MIDEAS: variants seen among roughly 807,000 people sequenced by gnomAD.
The protein encoded by MIDEAS is mitotic deacetylase-associated SANT domain protein.
Under a neutral mutation model 102.7 loss-of-function variants are expected in MIDEAS, and 26 were observed. The ratio of observed to expected loss-of-function variants is 0.25; its 90% CI spans 0.19 to 0.35. The LOEUF is 0.35. Among genes scored for constraint, MIDEAS ranks in the 10% least tolerant of loss-of-function variants. MIDEAS has a pLI of 1.00. For missense variants in MIDEAS, 1,231 were observed against 1,435.6 expected (o/e 0.86, Z 2.30); for synonymous variants, 585 against 591.0 (o/e 0.99, Z 0.15).
upstream of MIDEAS, among the ~76,000 whole-genome samples, chr14:73,763,050 A>G (rs1297008893): frequency 1.3e-5 from 2 of 152,138 alleles, no homozygotes; most frequent in African/African-American, 2.4e-5. Context: ...TCTTCCAAGG[A>G]TGAGGCCAGG....
rs570480181 is a variant in MIDEAS, at chr14:73,725,178, C to T, written c.2574+94G>A. ...CTACTCAGTAGCATTGACCTGACTG[C>T]TTTTTAAGAGGGATTGGTCACTGGC... On this transcript the variant is annotated intron_variant, in intron 9 of 12. Transcript: ENST00000423556. The surrounding 1 kb of genome is among the most constrained non-coding windows in gnomAD (Gnocchi z 4.1). 3.2e-4 allele frequency: 309 copies of T among 950,794 alleles called. 1 individual carries two copies. Among genetic ancestry groups the T allele is most frequent in the Admixed American group, 6.4e-4 (37 of 58,028 alleles). 58.9% of individuals were successfully genotyped at this position (950,794 alleles called of 1,614,324 possible).
chr14:73,776,002 C>T (rs767482303), intron 1 of MIDEAS, among the ~76,000 whole-genome samples: 1 of 151,948 alleles, frequency 6.6e-6, no homozygotes, highest in African/African-American at 2.4e-5. Flanking sequence ...AGACACCAGG[C>T]GCCTCAACTG....
Position 73,739,422 on chromosome 14 carries a change from G to A in MIDEAS, c.587C>T (p.Ala196Val), listed in dbSNP as rs2053252916. 1 of 1,582,568 alleles carries A rather than the reference G, an allele frequency of 6.3e-7. No individual in the cohort carries two copies. Among genetic ancestry groups the A allele is most frequent in the Non-Finnish European group, 8.6e-7 (1 of 1,163,010 alleles). The change falls in exon 2 of 13, where the codon GCA (alanine) becomes GTA (valine). Residue 196 changes from alanine to valine, a missense_variant. By Grantham distance (64) the Ala-to-Val change is moderately conservative. Around this residue, in one of 5 missense-constraint regions of MIDEAS, gnomAD observed 758 missense variants for 856.0 expected, o/e 0.89. Coordinates refer to ENST00000423556, the MANE Select transcript of MIDEAS (RefSeq NM_001367710.1). ...GGCTGCGTGGAAAGAATTCAGGGGT[G>A]CCTGGGGCCGCCCTACCTCCAGCTG... is the stretch of plus-strand genomic sequence containing the variant. ...KVQLEVGRPQ[A>V]PLNSFHAAKK...
At position 73,759,574 on chromosome 14, in the gene MIDEAS, C is replaced by G. The variant is rs1287300048; in HGVS notation, c.-248+189G>C. On this transcript the variant is annotated intron_variant, in intron 1 of 12. Transcript: ENST00000423556. The surrounding 1 kb of genome is among the most constrained non-coding windows in gnomAD (Gnocchi z 6.7). ...TGCAGGCGGCCCCCGCACGGCCACA[C>G]GCGCCCGCTCCACCGCCGCCCAGGC... Among the ~76,000 whole-genome samples the G allele has an allele frequency of 6.7e-6, 1 of 148,760 alleles. No individual in the cohort carries two copies. Among genetic ancestry groups the G allele is most frequent in the Non-Finnish European group, 1.5e-5 (1 of 66,678 alleles).
chr14:73,748,858 C>T (rs576226829), intron 1 of MIDEAS, among the ~76,000 whole-genome samples: 40 of 152,090 alleles, frequency 2.6e-4, no homozygotes, highest in African/African-American at 9.4e-4. Context: ...AACAAAGTGT[C>T]CGTCCCTCAG....
Position 73,766,310 on chromosome 14 carries a change from T to G in MIDEAS, c.-248+20792A>C, listed in dbSNP as rs183501945. Among the ~76,000 whole-genome samples, 132 of 152,362 alleles carry G rather than the reference T, an allele frequency of 8.7e-4. 2 individuals carry two copies. Among genetic ancestry groups the G allele is most frequent in the Middle Eastern group, 6.8e-3 (2 of 294 alleles). On this transcript the variant is annotated intron_variant, in intron 1 of 11. Transcript: ENST00000394071. ...CTTAGTATCCCTGGTAGCTATACAG[T>G]GCCTGCACATGGTGGGTGCTCAGTG...
chr14:73,751,418 G>A (rs986418229), intron 1 of MIDEAS, among the ~76,000 whole-genome samples: 7 of 152,214 alleles, frequency 4.6e-5, no homozygotes, highest in Admixed American at 1.3e-4. Context: ...GATGTTCTGA[G>A]ATGTGGCTGG....
At chr14:73,760,543 G>A (rs11624967), upstream of MIDEAS, among the ~76,000 whole-genome samples, 58,869 of 152,110 alleles carry the variant, frequency 0.39, 11,829 homozygotes, top group Non-Finnish European at 0.45. This position sits in a 1 kb window ranked among gnomAD's most constrained non-coding sequence, Gnocchi z 4.8. Flanking sequence ...AGGAGGAGAC[G>A]GTGACGAAAT....
At position 73,719,024 on chromosome 14, in the gene MIDEAS, G is replaced by A. The variant is rs1345798446; in HGVS notation, c.3135-16C>T. The stretch of plus-strand genomic sequence containing the variant: ...GTAAAACACCCTGCAGCCGGGTGGG[G>A]GTTGCTCAGAACCGGCCTAGCCCAC... On this transcript the variant is annotated splice_polypyrimidine_tract_variant and intron_variant, in intron 12 of 12. Transcript: ENST00000423556. 1 of 1,466,814 alleles carries A rather than the reference G, an allele frequency of 6.8e-7. No homozygotes were observed. The highest frequency in any genetic ancestry group is 2.5e-5 in the East Asian group (1 of 40,394). The allele number at this position is 1,466,814 out of a possible 1,614,324, so 90.9% of individuals were successfully genotyped here.
At chr14:73,731,886 C>A (rs1446904993) in intron 3 of MIDEAS, among the ~76,000 whole-genome samples, 1 of 152,138 alleles carries the variant, frequency 6.6e-6, no homozygotes, top group Non-Finnish European at 1.5e-5. Flanking sequence ...ATCTGTAGTA[C>A]AAAGAATAAT....
intron 1 of MIDEAS, among the ~76,000 whole-genome samples, chr14:73,782,174 G>A (rs1566613011): frequency 6.6e-6 from 1 of 152,188 alleles, no homozygotes; most frequent in Non-Finnish European, 1.5e-5. Context: ...GCAAGGTTGT[G>A]ATTAACAGCA....
Position 73,738,796 on chromosome 14 carries a change from T to G in MIDEAS, c.1213A>C (p.Arg405=). Reference sequence around the variant, plus strand: ...CCATCAGGCAGTAGCTGCGACTCCCTCAGCTCCAGCGGGAATCCCAGAGCT... The same window carrying G: ...CCATCAGGCAGTAGCTGCGACTCCCGCAGCTCCAGCGGGAATCCCAGAGCT... ...PEALGFPLEL[R]ESQLLPDGER... is the part of the protein sequence containing the mutation. Residue 405 remains arginine, a synonymous_variant, in exon 2 of 13, where the codon AGG becomes CGG. Transcript: ENST00000423556. 1 of 1,578,090 alleles carries G rather than the reference T, an allele frequency of 6.3e-7. No individual in the cohort carries two copies. Among genetic ancestry groups the G allele is most frequent in the South Asian group, 1.2e-5 (1 of 86,556 alleles).
chr14:73,745,393 G>T (rs1003386239), intron 1 of MIDEAS, among the ~76,000 whole-genome samples: 3 of 152,132 alleles, frequency 2.0e-5, no homozygotes, highest in Non-Finnish European at 4.4e-5. Flanking sequence ...CCTAGACAGT[G>T]GCCAGGGACA....
rs1174420284 is a variant in MIDEAS, at chr14:73,739,097, G to C, written c.912C>G (p.His304Gln). Residue 304 changes from histidine to glutamine, a missense_variant, in exon 2 of 13, where the codon CAC (histidine) becomes CAG (glutamine). Transcript: ENST00000423556. ...GPLGQSHLAH[H>Q]SMAPYPFPPN... ...GGGGGAAGGGGTAGGGTGCCATGCT[G>C]TGGTGAGCCAGGTGGGACTGTCCCA... The C allele has an allele frequency of 6.2e-7, 1 of 1,600,874 alleles. No homozygotes were observed. The highest frequency in any genetic ancestry group is 1.7e-5 in the Admixed American group (1 of 59,432).
chr14:73,754,361 GACTC>G (rs530537177), intron 1 of MIDEAS, among the ~76,000 whole-genome samples: 72 of 152,280 alleles, frequency 4.7e-4, no homozygotes, highest in Middle Eastern at 3.4e-3. Context: ...CCAACCACAG[GACTC>G]ACTCACGCAC....
rs928945963 is a variant in MIDEAS at position 73,759,730 on chromosome 14, G to A, written c.-248+33C>T. On this transcript the variant is annotated intron_variant, in intron 1 of 12. Coordinates refer to ENST00000423556, the MANE Select transcript of MIDEAS (RefSeq NM_001367710.1). The surrounding 1 kb of genome is among the most constrained non-coding windows in gnomAD (Gnocchi z 6.7). ...CCCCTCGCCGGCCCCGCCGCGTGCAGGCCTCGGCCGCCGGCCAGGCAGCCC... is the reference window on the plus strand; with the variant it reads ...CCCCTCGCCGGCCCCGCCGCGTGCAAGCCTCGGCCGCCGGCCAGGCAGCCC... 2 of 151,654 alleles carry A rather than the reference G, an allele frequency of 1.3e-5. No homozygotes were observed. Among genetic ancestry groups the A allele is most frequent in the African/African-American group, 4.8e-5 (2 of 41,316 alleles). 9.4% of individuals were successfully genotyped at this position (151,654 alleles called of 1,614,324 possible).
At chr14:73,755,094 G>GA (rs2053463712) in intron 1 of MIDEAS, 2 of 152,246 alleles carry the variant, frequency 1.3e-5, no homozygotes, top group South Asian at 4.1e-4. Context: ...GCACTGCCTG[G>GA]AAAAAATGCT....
chr14:73,784,760 C>T (rs2053791018), intron 1 of MIDEAS, among the ~76,000 whole-genome samples: 1 of 152,208 alleles, frequency 6.6e-6, no homozygotes, highest in South Asian at 2.1e-4. Flanking sequence ...TGACTCCTAC[C>T]ATAGTGCTGC....
rs118067689 is a variant in MIDEAS, at chr14:73,774,968, T to C, written c.-248+12134A>G. Among the ~76,000 whole-genome samples, 278 of 152,136 alleles carry C rather than the reference T, an allele frequency of 1.8e-3. 27 individuals are homozygous for C. In the East Asian group the frequency reaches 0.05, roughly 27 times the overall value. On this transcript the variant is annotated intron_variant, in intron 1 of 11. Coordinates refer to the MIDEAS transcript ENST00000394071. Reference sequence around the variant, plus strand: ...GGCACTCCTGCAACTGACCCCAGCATCCTGCAGGGGGGAAGTTCAATTGCA... The same window carrying C: ...GGCACTCCTGCAACTGACCCCAGCACCCTGCAGGGGGGAAGTTCAATTGCA...
Sources: allele counts gnomAD v4.1 joint callset (sites outside exome capture counted in the v4.1 genomes callset), GRCh38; gene constraint gnomAD v4.1.1; regional missense constraint gnomAD v4.1.1; non-coding constraint Gnocchi (gnomAD v3.1); transcripts MANE v1.5; gene names NCBI Gene and HGNC (gene_info 2026-07-23, HGNC 2026-07-21).